Variants in TNFAIP8 observed in about 807,000 individuals in gnomAD.
TNFAIP8 encodes the protein tumor necrosis factor alpha-induced protein 8.
TNFAIP8 carries 7 observed loss-of-function variants against 13.3 expected under a neutral mutation model. The observed-to-expected ratio is 0.52, with a 90% confidence interval of 0.30 to 0.99. The LOEUF (loss-of-function observed/expected upper bound fraction) is 0.99. Among genes scored for constraint, TNFAIP8 ranks in the 50% least tolerant of loss-of-function variants. The probability of loss-of-function intolerance (pLI) is 0.07; values close to 1 mark genes in which losing one functional copy is unlikely to be tolerated. For missense variants in TNFAIP8, 258 were observed against 236.9 expected, an observed-to-expected ratio of 1.09 and a Z score of -0.58; for synonymous variants, 94 against 87.6, an observed-to-expected ratio of 1.07 and a Z score of -0.41.
At chr5:119,277,621 G>A (rs73248903) in intron 1 of TNFAIP8, among the ~76,000 whole-genome samples, 16,957 of 152,218 alleles carry the variant, frequency 0.11, 980 homozygotes, top group African/African-American at 0.15. Context: ...AAATGCAGTT[G>A]CTTTCTGAGA....
intron 1 of TNFAIP8, among the ~76,000 whole-genome samples, chr5:119,289,449 A>C (rs916176478): frequency 1.3e-5 from 2 of 152,252 alleles, no homozygotes; most frequent in African/African-American, 4.8e-5. Context: ...ACTTAGCCAT[A>C]ACTTCAAGAG....
At chr5:119,303,804 A>G (rs10519581) in intron 1 of TNFAIP8, among the ~76,000 whole-genome samples, 13,859 of 152,206 alleles carry the variant, frequency 0.091, 902 homozygotes, top group African/African-American at 0.19. Flanking sequence ...AGTGAACCCT[A>G]TAGTAAGAAG....
chr5:119,328,359 A>G (rs938739283), intron 1 of TNFAIP8, among the ~76,000 whole-genome samples: 1 of 152,228 alleles, frequency 6.6e-6, no homozygotes, highest in African/African-American at 2.4e-5. Context: ...TTGGTTTGAA[A>G]ATAGCCACAT....
intron 1 of TNFAIP8, among the ~76,000 whole-genome samples, chr5:119,367,404 G>A (rs940872472): frequency 1.3e-5 from 2 of 152,128 alleles, no homozygotes; most frequent in African/African-American, 2.4e-5. Context: ...AGGATGGGAG[G>A]GAGAGAACTG....
chr5:119,292,043 G>A (rs538224593), intron 1 of TNFAIP8, among the ~76,000 whole-genome samples: 12 of 152,188 alleles, frequency 7.9e-5, no homozygotes, highest in South Asian at 2.1e-4. Flanking sequence ...GGAGAGGACC[G>A]GAAGCGATTG....
chr5:119,298,757 A>C (rs991329990), intron 1 of TNFAIP8, among the ~76,000 whole-genome samples: 1 of 151,880 alleles, frequency 6.6e-6, no homozygotes, highest in Admixed American at 6.5e-5. Flanking sequence ...TCTGACATAG[A>C]TTTGGTCTTT....
intron 1 of TNFAIP8, among the ~76,000 whole-genome samples, chr5:119,343,247 G>C (rs1750800475): frequency 1.3e-5 from 2 of 152,216 alleles, no homozygotes; most frequent in African/African-American, 4.8e-5. Context: ...TCGGCACTCT[G>C]TTTATAAGGA....
intron 1 of TNFAIP8, among the ~76,000 whole-genome samples, chr5:119,358,467 A>G (rs923982850): frequency 1.3e-5 from 2 of 152,246 alleles, no homozygotes; most frequent in African/African-American, 2.4e-5. Flanking sequence ...TTCCTGCTTA[A>G]CAATGAATAA....
intron 1 of TNFAIP8, among the ~76,000 whole-genome samples, chr5:119,278,352 G>GGA (rs1554167311): frequency 8.1e-6 from 1 of 123,136 alleles, no homozygotes; most frequent in Non-Finnish European, 1.7e-5. Context: ...ACAGGAAGGG[G>GGA]GAGAGAGAGA....
At chr5:119,355,141 G>A (rs1562015001), upstream of TNFAIP8, 2 of 598,362 alleles carry the variant, frequency 3.3e-6, no homozygotes, top group South Asian at 1.9e-5. Flanking sequence ...GCAGAATTGA[G>A]ATCTGTTGTG....
intron 1 of TNFAIP8, among the ~76,000 whole-genome samples, chr5:119,280,840 CTT>C (rs1748604477): frequency 6.6e-6 from 1 of 152,026 alleles, no homozygotes; most frequent in South Asian, 2.1e-4. Context: ...ATGCTTGATT[CTT>C]TCCTTTGATT....
At chr5:119,293,589 C>T (rs754354303) in intron 1 of TNFAIP8, among the ~76,000 whole-genome samples, 31 of 152,030 alleles carry the variant, frequency 2.0e-4, no homozygotes, top group African/African-American at 4.8e-4. Context: ...CTATTTATTC[C>T]GGATGAGGAA....
intron 1 of TNFAIP8, among the ~76,000 whole-genome samples, chr5:119,275,221 A>G (rs1249212430): frequency 6.6e-6 from 1 of 152,182 alleles, no homozygotes; most frequent in African/African-American, 2.4e-5. Flanking sequence ...TCAAGAACAA[A>G]AAATAACAAC....
Position 119,321,891 on chromosome 5 carries a change from A to C in TNFAIP8, c.1+52984A>C, listed in dbSNP as rs1000633971. Reference sequence around the variant, plus strand: ...TACCAGGAGCTACAGGCTCCCCTTCATGTGGCCTCTGCCCAATTCTGCTAC... The same window carrying C: ...TACCAGGAGCTACAGGCTCCCCTTCCTGTGGCCTCTGCCCAATTCTGCTAC... On this transcript the variant is annotated intron_variant, in intron 1 of 1. Coordinates refer to the TNFAIP8 transcript ENST00000274456. Among the ~76,000 whole-genome samples the C allele has an allele frequency of 2.8e-4, 43 of 152,084 alleles. 1 individual carries two copies. The highest frequency in any genetic ancestry group is 5.4e-4 in the Non-Finnish European group (37 of 67,984).
chr5:119,294,056 T>TTTATTA (rs376860644), intron 1 of TNFAIP8, among the ~76,000 whole-genome samples: 1,534 of 152,158 alleles, frequency 0.01, 17 homozygotes, highest in African/African-American at 0.035. Flanking sequence ...TTTTTTAAAT[T>TTTATTA]TTATTATACT....
At chr5:119,292,598 G>A (rs1487478035) in intron 1 of TNFAIP8, among the ~76,000 whole-genome samples, 5 of 131,598 alleles carry the variant, frequency 3.8e-5, no homozygotes, top group African/African-American at 1.4e-4. Context: ...CCAAAAACTG[G>A]AAACAGCTCA....
intron 1 of TNFAIP8, among the ~76,000 whole-genome samples, chr5:119,387,018 C>T (rs1752709143): frequency 1.4e-5 from 2 of 143,018 alleles, no homozygotes; most frequent in South Asian, 4.9e-4. Context: ...TCTCTCTTTC[C>T]CTCTGTTGTT....
chr5:119,270,693 T>G (rs1748266546), intron 1 of TNFAIP8, among the ~76,000 whole-genome samples: 1 of 152,224 alleles, frequency 6.6e-6, no homozygotes. Context: ...TAAATAAAGT[T>G]TAGGGAAGTA....
intron 1 of TNFAIP8, among the ~76,000 whole-genome samples, chr5:119,276,722 G>C (rs541742080): frequency 6.6e-6 from 1 of 152,090 alleles, no homozygotes; most frequent in South Asian, 2.1e-4. Flanking sequence ...ATTAGATTAG[G>C]GTCCCACCCT....
Sources: gnomAD v4.1 joint callset for allele counts (sites outside exome capture counted in the v4.1 genomes callset) on GRCh38, gnomAD v4.1.1 for gene constraint, MANE v1.5 for transcripts, NCBI Gene and HGNC (gene_info 2026-07-23, HGNC 2026-07-21) for gene names.